The following RIPOR2 variants were observed in gnomAD, a reference collection of about 807,000 sequenced individuals.
RIPOR2 encodes the protein RHO family interacting cell polarization regulator 2, also known as rho family-interacting cell polarization regulator 2.
In RIPOR2, 39 loss-of-function variants were observed where a neutral mutation model predicts 114.5. The observed-to-expected ratio is 0.34, with a 90% CI of 0.26 to 0.44. The LOEUF is 0.44. RIPOR2 is among the 20% of genes least tolerant of loss of function. The probability of loss-of-function intolerance (pLI) is 1.00; values close to 1 mark genes in which losing one functional copy is unlikely to be tolerated. For synonymous variants in RIPOR2, 445 were observed against 484.4 expected (o/e 0.92, Z 1.07); for missense variants, 1,007 against 1,255.1 (o/e 0.80, Z 2.99).
Position 24,858,256 on chromosome 6 carries a change from G to T in RIPOR2, c.715+2717C>A, listed in dbSNP as rs961609071. Among the ~76,000 whole-genome samples the T allele has an allele frequency of 1.3e-5, 2 of 152,166 alleles. No homozygotes were observed. Among genetic ancestry groups the T allele is most frequent in the African/African-American group, 4.8e-5 (2 of 41,430 alleles). Reference sequence around the variant, plus strand: ...AGCAGTCATCAGAATGCAGTCAAGTGCCTGGCCAATAGCAGGCACTCAGTA... The same window carrying T: ...AGCAGTCATCAGAATGCAGTCAAGTTCCTGGCCAATAGCAGGCACTCAGTA... On this transcript the variant is annotated intron_variant, in intron 8 of 21. Coordinates refer to ENST00000643898, the MANE Select transcript of RIPOR2 (RefSeq NM_001286445.3). The surrounding 1 kb of genome is among the most constrained non-coding windows in gnomAD (Gnocchi z 4.0).
intron 1 of RIPOR2, among the ~76,000 whole-genome samples, chr6:24,991,524 T>A (rs1774814113): frequency 6.6e-6 from 1 of 152,134 alleles, no homozygotes; most frequent in Non-Finnish European, 1.5e-5. Context: ...TATGATTATG[T>A]CCCCCTGCTA....
In RIPOR2 at chr6:24,869,097, A is replaced by C; in HGVS notation, c.498T>G (p.Ser166Arg). 1 of 1,557,782 alleles carries C rather than the reference A, an allele frequency of 6.4e-7. No homozygotes were observed. Among genetic ancestry groups the C allele is most frequent in the East Asian group, 2.2e-5 (1 of 44,606 alleles). Residue 166 changes from serine to arginine, a missense_variant, in exon 6 of 22, where the codon AGT becomes AGG. Ser to Arg is a moderately radical substitution (Grantham distance 110). Coordinates refer to ENST00000643898, the MANE Select transcript of RIPOR2 (RefSeq NM_001286445.3). ...TGAGAACAGGAATTTCAGTTACCTT[A>C]CTTATATGAAACTCCAGGCGTCTCA... ...RYMRRLEFHI[S>R]KVDELYEAYC...
In RIPOR2 at chr6:25,023,635, T is replaced by C. The variant is rs186964188; in HGVS notation, c.76+18216A>G. On this transcript the variant is annotated intron_variant, in intron 1 of 13. Transcript: ENST00000510784. Reference sequence around the variant, plus strand: ...AATGAGTGTGGTAAAGGATGGTGCCTGCTGGGGTCTCATAGATACCTCGGG... The same window carrying C: ...AATGAGTGTGGTAAAGGATGGTGCCCGCTGGGGTCTCATAGATACCTCGGG... 21 of 763,170 alleles carry C rather than the reference T, an allele frequency of 2.8e-5. No individual in the cohort carries two copies. In the East Asian group the frequency reaches 4.9e-4, roughly 18 times the overall value. 47.3% of individuals were successfully genotyped at this position (763,170 alleles called of 1,614,324 possible).
At chr6:24,918,597 C>G (rs1006560572) in intron 1 of RIPOR2, among the ~76,000 whole-genome samples, 1 of 152,186 alleles carries the variant, frequency 6.6e-6, no homozygotes, top group Non-Finnish European at 1.5e-5. Context: ...AGCCCTATTG[C>G]TTAAAACTTT....
intron 15 of RIPOR2, among the ~76,000 whole-genome samples, chr6:24,834,213 G>A (rs1197348224): frequency 6.6e-6 from 1 of 152,184 alleles, no homozygotes; most frequent in Admixed American, 6.5e-5. Flanking sequence ...AGTGGCAGGA[G>A]TTATAATTGC....
chr6:25,012,348 A>G (rs1211120430), intron 1 of RIPOR2, among the ~76,000 whole-genome samples: 3 of 152,250 alleles, frequency 2.0e-5, no homozygotes, highest in Non-Finnish European at 4.4e-5. Context: ...TGGAATTACC[A>G]TATGATCCAC....
chr6:24,878,988 TC>T (rs745638814), intron 1 of RIPOR2, among the ~76,000 whole-genome samples: 1 of 106,124 alleles, frequency 9.4e-6, no homozygotes, highest in Admixed American at 9.9e-5. Context: ...CAAATGTCTG[TC>T]CAGGATCCTA....
At chr6:24,825,125 G>GAAA (rs1346509289) in intron 19 of RIPOR2, 101 bp downstream of exon 19, 1 of 898,254 alleles carries the variant, frequency 1.1e-6, no homozygotes, top group African/African-American at 1.7e-5. Flanking sequence ...TTAATACGCA[G>GAAA]AAAAATTATT....
intron 1 of RIPOR2, among the ~76,000 whole-genome samples, chr6:24,966,634 A>G (rs1773541256): frequency 6.6e-6 from 1 of 152,172 alleles, no homozygotes; most frequent in African/African-American, 2.4e-5. Flanking sequence ...TGATGAAGTC[A>G]TGTTATGTGG....
At chr6:24,981,485 C>A (rs1774294555) in intron 1 of RIPOR2, among the ~76,000 whole-genome samples, 1 of 152,206 alleles carries the variant, frequency 6.6e-6, no homozygotes, top group Non-Finnish European at 1.5e-5. Context: ...ACCCCCACAG[C>A]CCCCACTGCC....
At chr6:25,001,790 C>T (rs1262897942) in intron 1 of RIPOR2, among the ~76,000 whole-genome samples, 1 of 150,070 alleles carries the variant, frequency 6.7e-6, no homozygotes, top group Non-Finnish European at 1.5e-5. Context: ...ACCTCCGCCT[C>T]CCGGGTTTAA....
At chr6:24,936,517 T>C (rs1262690936), upstream of RIPOR2, among the ~76,000 whole-genome samples, 1 of 152,214 alleles carries the variant, frequency 6.6e-6, no homozygotes, top group Non-Finnish European at 1.5e-5. Flanking sequence ...ATATCTAGGC[T>C]TTATGTGGCT....
At position 24,975,507 on chromosome 6, in the gene RIPOR2, G is replaced by T. The variant is rs1266331569; in HGVS notation, c.76+66344C>A. On this transcript the variant is annotated intron_variant, in intron 1 of 13. Transcript: ENST00000510784. The stretch of plus-strand genomic sequence containing the variant: ...GTTATCAGACCTAATGTTCAGCATT[G>T]TGACTACAGTTAATAATAATGTATT... Among the ~76,000 whole-genome samples, 5 of 152,128 alleles carry T rather than the reference G, an allele frequency of 3.3e-5. No homozygotes were observed. In the East Asian group the frequency reaches 9.6e-4, roughly 29 times the overall value.
Position 25,040,154 on chromosome 6 carries a change from C to A in RIPOR2, c.76+1697G>T, listed in dbSNP as rs552040758. 2.0e-5 allele frequency among the ~76,000 whole-genome samples: 3 copies of A among 149,614 alleles called. No homozygotes were observed. The East Asian group carries it at 5.8e-4, about 29-fold the overall frequency. On this transcript the variant is annotated intron_variant, in intron 1 of 13. Coordinates refer to the RIPOR2 transcript ENST00000510784. Reference sequence around the variant, plus strand: ...TTTTTTTAGATGGAGTTTCGCTCATCGCCCAGGCTGGAGTACAATGGCACA... The same window carrying A: ...TTTTTTTAGATGGAGTTTCGCTCATAGCCCAGGCTGGAGTACAATGGCACA...
chr6:24,909,246 T>TA (rs1769301630), intron 1 of RIPOR2, among the ~76,000 whole-genome samples: 1 of 152,158 alleles, frequency 6.6e-6, no homozygotes, highest in South Asian at 2.1e-4. Flanking sequence ...AAGCTGCTGT[T>TA]ACCCTAAGTT....
intron 1 of RIPOR2, among the ~76,000 whole-genome samples, chr6:25,038,926 C>T (rs1441269603): frequency 6.6e-6 from 1 of 152,202 alleles, no homozygotes; most frequent in African/African-American, 2.4e-5. Context: ...AGGGCCTGGC[C>T]CCCGTGGGGA....
intron 1 of RIPOR2, among the ~76,000 whole-genome samples, chr6:24,893,744 C>G (rs954600531): frequency 6.6e-6 from 1 of 152,140 alleles, no homozygotes; most frequent in Non-Finnish European, 1.5e-5. Context: ...TGGATATGAC[C>G]CAGATCAACA....
intron 1 of RIPOR2, among the ~76,000 whole-genome samples, chr6:24,917,785 TC>T (rs1228674211): frequency 1.3e-5 from 2 of 152,202 alleles, no homozygotes; most frequent in Non-Finnish European, 2.9e-5. Flanking sequence ...CGCATCAGCC[TC>T]CCAAAGTGCT....
chr6:24,997,461 A>ATTAGATACCATT (rs1452079872), intron 1 of RIPOR2, among the ~76,000 whole-genome samples: 9 of 152,164 alleles, frequency 5.9e-5, no homozygotes, highest in African/African-American at 2.2e-4. Flanking sequence ...GCAATAGCAA[A>ATTAGATACCATT]TGGTGATGGT....
Sources: gnomAD v4.1 joint callset for allele counts (sites outside exome capture counted in the v4.1 genomes callset) on GRCh38, gnomAD v4.1.1 for gene constraint, Gnocchi (gnomAD v3.1) non-coding constraint, MANE v1.5 for transcripts, NCBI Gene and HGNC (gene_info 2026-07-23, HGNC 2026-07-21) for gene names.